GASK1A: variants seen among roughly 807,000 people sequenced by gnomAD.
GASK1A encodes golgi associated kinase 1A.
Under a neutral mutation model 41.2 loss-of-function variants are expected in GASK1A, and 40 were observed. The observed-to-expected ratio is 0.97, with a 90% CI of 0.75 to 1.27. The LOEUF is 1.27. Ranked by LOEUF, GASK1A falls within the 50% of genes most tolerant of loss-of-function variation. The probability of loss-of-function intolerance (pLI) is 0.00; values close to 1 mark genes in which losing one functional copy is unlikely to be tolerated. For synonymous variants in GASK1A, 316 were observed against 307.1 expected, an observed-to-expected ratio of 1.03 and a Z score of -0.30; for missense variants, 678 against 745.1, an observed-to-expected ratio of 0.91 and a Z score of 1.05.
Position 43,056,538 on chromosome 3 carries a change from A to G in GASK1A, c.*152A>G, listed in dbSNP as rs2089717463. The G allele has an allele frequency of 3.0e-6, 2 of 656,476 alleles. No homozygotes were observed. The allele number at this position is 656,476 out of a possible 1,614,324, so 40.7% of individuals were successfully genotyped here. The stretch of plus-strand genomic sequence containing the variant: ...ACCTGCCTGGGATGGTGGAGGTAGT[A>G]TGGGGTTTTCAATCTCAAAGCGTCC... On this transcript the variant is annotated 3_prime_UTR_variant, in exon 5 of 5. Coordinates refer to ENST00000430121, the MANE Select transcript of GASK1A (RefSeq NM_001129908.3).
intron 1 of GASK1A, among the ~76,000 whole-genome samples, chr3:43,011,380 CAAAAAAA>C (rs55954875): frequency 1.1e-5 from 1 of 87,228 alleles, no homozygotes; most frequent in Non-Finnish European, 2.4e-5. Context: ...GACTCCATCT[CAAAAAAA>C]AAAAAAAAAA....
intron 1 of GASK1A, among the ~76,000 whole-genome samples, chr3:43,011,566 G>A (rs1409590979): frequency 1.3e-5 from 2 of 152,098 alleles, no homozygotes; most frequent in East Asian, 1.9e-4. Flanking sequence ...AAATGGCTGT[G>A]TGAAGTCACA....
intron 1 of GASK1A, among the ~76,000 whole-genome samples, chr3:43,030,132 A>G (rs148336416): frequency 1.3e-3 from 194 of 152,280 alleles, no homozygotes; most frequent in African/African-American, 4.3e-3. Context: ...GATTCTCCCA[A>G]GTAGCTAGGA....
intron 1 of GASK1A, among the ~76,000 whole-genome samples, chr3:43,017,737 G>A (rs1181153970): frequency 4.0e-5 from 6 of 151,446 alleles, no homozygotes; most frequent in African/African-American, 1.2e-4. Context: ...AAGGGGCAGC[G>A]TGAAGCCACA....
intron 1 of GASK1A, among the ~76,000 whole-genome samples, chr3:42,983,524 G>T (rs2089292230): frequency 6.6e-6 from 1 of 152,112 alleles, no homozygotes; most frequent in Non-Finnish European, 1.5e-5. Flanking sequence ...TGTTCGTCCA[G>T]TCTGTCTCCC....
chr3:43,036,956 T>A (rs1293081543), intron 2 of GASK1A, among the ~76,000 whole-genome samples: 2 of 152,174 alleles, frequency 1.3e-5, no homozygotes, highest in African/African-American at 4.8e-5. Flanking sequence ...AACTGTGAAA[T>A]CATAGATGTG....
intron 2 of GASK1A, among the ~76,000 whole-genome samples, chr3:43,046,380 G>A (rs1387859378): frequency 6.6e-6 from 1 of 152,212 alleles, no homozygotes; most frequent in Admixed American, 6.5e-5. Context: ...CTAGAGATCT[G>A]TGGAACTTTG....
intron 2 of GASK1A, among the ~76,000 whole-genome samples, chr3:43,040,881 C>A (rs58561549): frequency 0.019 from 2,464 of 126,786 alleles, 259 homozygotes; most frequent in African/African-American, 0.061. Context: ...ATCCCTCCCC[C>A]CCGCCACAAC....
chr3:43,025,280 G>A (rs2089541546), intron 1 of GASK1A, among the ~76,000 whole-genome samples: 1 of 152,106 alleles, frequency 6.6e-6, no homozygotes, highest in Non-Finnish European at 1.5e-5. Flanking sequence ...CTGTTTAGGA[G>A]GAAAAATTTG....
At chr3:42,989,348 TTCTG>T (rs2089329163) in intron 1 of GASK1A, among the ~76,000 whole-genome samples, 1 of 152,202 alleles carries the variant, frequency 6.6e-6, no homozygotes, top group Admixed American at 6.5e-5. Flanking sequence ...AGGTGTCCCA[TTCTG>T]TCTGTCTGGA....
chr3:43,004,912 G>C (rs1179014755), intron 1 of GASK1A, among the ~76,000 whole-genome samples: 1 of 152,212 alleles, frequency 6.6e-6, no homozygotes, highest in East Asian at 1.9e-4. Context: ...CTAAAATCAA[G>C]GTGTTGGCAG....
At chr3:43,030,089 C>A (rs144228960) in intron 1 of GASK1A, among the ~76,000 whole-genome samples, 11 of 152,306 alleles carry the variant, frequency 7.2e-5, no homozygotes, top group Admixed American at 2.0e-4. Flanking sequence ...CTCCACCTCC[C>A]GGGTTCAAGC....
chr3:43,001,831 G>T (rs868168029), intron 1 of GASK1A, among the ~76,000 whole-genome samples: 1 of 152,112 alleles, frequency 6.6e-6, no homozygotes, highest in African/African-American at 2.4e-5. Context: ...TTCCTGTGAG[G>T]TGGGTCCTTG....
intron 2 of GASK1A, among the ~76,000 whole-genome samples, chr3:43,044,464 C>T (rs2089652439): frequency 6.6e-6 from 1 of 152,194 alleles, no homozygotes; most frequent in East Asian, 1.9e-4. Flanking sequence ...GGGAACTCTC[C>T]ATAACAACCG....
intron 2 of GASK1A, among the ~76,000 whole-genome samples, chr3:43,047,246 C>T (rs886235538): frequency 2.6e-5 from 4 of 152,222 alleles, no homozygotes; most frequent in Non-Finnish European, 4.4e-5. Flanking sequence ...GGGTCTCTAT[C>T]CTGCAAAGCT....
At chr3:43,052,287 C>A (rs114086369) in intron 2 of GASK1A, among the ~76,000 whole-genome samples, 2,599 of 152,294 alleles carry the variant, frequency 0.017, 70 homozygotes, top group African/African-American at 0.06. Context: ...TTCACAAGGG[C>A]GGCAGCTTCA....
At position 43,033,382 on chromosome 3, in the gene GASK1A, C is replaced by T. The variant is rs1227303395; in HGVS notation, c.1119C>T (p.Pro373=). ...GGARPVIWWA[P]DVQHLSDPDE... ...CAAGGCCTGTCATCTGGTGGGCACC[C>T]GATGTGCAGCACCTGAGCGACCCAG... Residue 373 remains proline, a synonymous_variant, in exon 2 of 5, where the codon CCC becomes CCT. Coordinates refer to ENST00000430121, the MANE Select transcript of GASK1A (RefSeq NM_001129908.3). 41 of 1,551,416 alleles carry T rather than the reference C, an allele frequency of 2.6e-5. No homozygotes were observed. Among genetic ancestry groups the T allele is most frequent in the Non-Finnish European group, 3.1e-5 (36 of 1,146,962 alleles).
intron 1 of GASK1A, among the ~76,000 whole-genome samples, chr3:43,013,793 G>T (rs1178665056): frequency 6.6e-6 from 1 of 152,004 alleles, no homozygotes; most frequent in Non-Finnish European, 1.5e-5. Context: ...GTCACAGGAA[G>T]TGGCTGTATG....
intron 1 of GASK1A, among the ~76,000 whole-genome samples, chr3:43,020,746 G>A (rs1243146431): frequency 6.6e-6 from 1 of 152,212 alleles, no homozygotes; most frequent in African/African-American, 2.4e-5. Flanking sequence ...GTTCAGGTTT[G>A]TTCCAGATGC....
Sources: allele counts gnomAD v4.1 joint callset (sites outside exome capture counted in the v4.1 genomes callset), GRCh38; gene constraint gnomAD v4.1.1; transcripts MANE v1.5; gene names NCBI Gene and HGNC (gene_info 2026-07-23, HGNC 2026-07-21).